DENND1B: variants seen among roughly 807,000 people sequenced by gnomAD.
DENND1B encodes DENN domain containing 1B, also known as DENN domain-containing protein 1B.
Under a neutral mutation model 90.1 loss-of-function variants are expected in DENND1B, and 59 were observed. The ratio of observed to expected loss-of-function variants is 0.65; its 90% CI spans 0.53 to 0.81. DENND1B has a LOEUF of 0.81. DENND1B is among the 40% of genes least tolerant of loss of function. The pLI, the probability that DENND1B is intolerant of heterozygous loss-of-function variation, is 0.00. For missense variants in DENND1B, 862 were observed against 912.6 expected (o/e 0.94, Z 0.71); for synonymous variants, 337 against 324.6 (o/e 1.04, Z -0.41).
Position 197,732,614 on chromosome 1 carries a change from T to G in DENND1B, c.83-17540A>C, listed in dbSNP as rs141692892. ...CAATATAAGCTGCTGCTTCCCCATA[T>G]GCATAGTTATTCTCAGGAATAAGTT... On this transcript the variant is annotated intron_variant, in intron 2 of 22. Transcript: ENST00000620048. Among the ~76,000 whole-genome samples, 104 of 152,336 alleles carry G rather than the reference T, an allele frequency of 6.8e-4. No individual in the cohort carries two copies. The East Asian group carries it at 0.02, about 29-fold the overall frequency.
rs1667789339 is a variant in DENND1B, at chr1:197,507,614, A to G, written c.*2846T>C. 6.6e-6 allele frequency: 1 copy of G among 151,620 alleles called. No homozygotes were observed. The highest frequency in any genetic ancestry group is 6.6e-5 in the Admixed American group (1 of 15,172). 9.4% of individuals were successfully genotyped at this position (151,620 alleles called of 1,614,324 possible). ...ATGTACCAAGGCCAAAAGTCTTTTTAGTTTATACAATTCTGTTGTATAACA... is the reference window on the plus strand; with the variant it reads ...ATGTACCAAGGCCAAAAGTCTTTTTGGTTTATACAATTCTGTTGTATAACA... On this transcript the variant is annotated 3_prime_UTR_variant, in exon 23 of 23. Coordinates refer to ENST00000620048, the MANE Select transcript of DENND1B (RefSeq NM_001195215.2).
chr1:197,653,195 G>A (rs1653429199), intron 6 of DENND1B, among the ~76,000 whole-genome samples: 1 of 151,988 alleles, frequency 6.6e-6, no homozygotes, highest in Non-Finnish European at 1.5e-5. Context: ...GTACTCTTCA[G>A]AATGACATAA....
intron 13 of DENND1B, among the ~76,000 whole-genome samples, chr1:197,598,186 A>G (rs983457699): frequency 6.6e-6 from 1 of 151,752 alleles, no homozygotes; most frequent in African/African-American, 2.4e-5. Context: ...ACATTATTTC[A>G]ACTTTTACAA....
At chr1:197,538,451 T>C (rs908199442) in intron 20 of DENND1B, among the ~76,000 whole-genome samples, 9 of 152,104 alleles carry the variant, frequency 5.9e-5, no homozygotes, top group African/African-American at 2.2e-4. Context: ...GAACAGACAA[T>C]CAGTACTGAC....
At chr1:197,655,903 T>G (rs1447088580) in intron 6 of DENND1B, among the ~76,000 whole-genome samples, 1 of 152,130 alleles carries the variant, frequency 6.6e-6, no homozygotes, top group African/African-American at 2.4e-5. Flanking sequence ...CACAACTGTA[T>G]AGAGTTATGT....
chr1:197,771,068 T>C (rs1019097345), intron 2 of DENND1B, among the ~76,000 whole-genome samples: 2 of 151,532 alleles, frequency 1.3e-5, no homozygotes, highest in African/African-American at 4.9e-5. Flanking sequence ...TAGGCCACCA[T>C]GCCTGCATAA....
At chr1:197,675,159 C>T (rs1655926211) in intron 3 of DENND1B, among the ~76,000 whole-genome samples, 2 of 151,942 alleles carry the variant, frequency 1.3e-5, no homozygotes, top group Admixed American at 1.3e-4. Flanking sequence ...GAAAAAAGAG[C>T]AAATATCTTA....
Position 197,704,691 on chromosome 1 carries a change from T to C in DENND1B, c.126+10340A>G, listed in dbSNP as rs554506885. Among the ~76,000 whole-genome samples, 4 of 152,222 alleles carry C rather than the reference T, an allele frequency of 2.6e-5. No individual in the cohort carries two copies. In the East Asian group the frequency reaches 7.7e-4, roughly 29 times the overall value. On this transcript the variant is annotated intron_variant, in intron 3 of 22. Coordinates refer to ENST00000620048, the MANE Select transcript of DENND1B (RefSeq NM_001195215.2). ...ACCAGTGCCTACGGGTACTAACAAC[T>C]CCATGTTATGAAAAATGGATTGATA...
At chr1:197,666,809 C>T (rs930164571) in intron 5 of DENND1B, among the ~76,000 whole-genome samples, 1 of 152,172 alleles carries the variant, frequency 6.6e-6, no homozygotes, top group South Asian at 2.1e-4. Flanking sequence ...ATAATCCTAC[C>T]TTCCTTTTCC....
intron 3 of DENND1B, 58 bp downstream of exon 3, chr1:197,714,970 ATAG>A (rs1660499811): frequency 1.1e-5 from 14 of 1,225,952 alleles, no homozygotes; most frequent in Middle Eastern, 1.9e-4. Context: ...AGCAGCAGTA[ATAG>A]TAGCAACAAT....
At chr1:197,755,744 C>T (rs945515393) in intron 2 of DENND1B, among the ~76,000 whole-genome samples, 2 of 152,134 alleles carry the variant, frequency 1.3e-5, no homozygotes, top group Non-Finnish European at 1.5e-5. Flanking sequence ...CGGTGGAAGG[C>T]AAGGTAGAGC....
chr1:197,640,107 T>C (rs1465870920), intron 10 of DENND1B, among the ~76,000 whole-genome samples: 2 of 152,192 alleles, frequency 1.3e-5, no homozygotes, highest in African/African-American at 4.8e-5. Context: ...AATTTGTTTT[T>C]AAAGCCAAAT....
chr1:197,725,199 C>A (rs1571511552), intron 2 of DENND1B, among the ~76,000 whole-genome samples: 1 of 152,018 alleles, frequency 6.6e-6, no homozygotes, highest in African/African-American at 2.4e-5. Flanking sequence ...GATATGGATA[C>A]CTTTCAAAGC....
chr1:197,732,454 T>C (rs1247998582), intron 2 of DENND1B, among the ~76,000 whole-genome samples: 2 of 152,144 alleles, frequency 1.3e-5, no homozygotes, highest in African/African-American at 2.4e-5. Flanking sequence ...TTTTCTGTCA[T>C]GGTAAAAGTG....
At chr1:197,634,684 C>T (rs533951684) in intron 10 of DENND1B, among the ~76,000 whole-genome samples, 1 of 152,110 alleles carries the variant, frequency 6.6e-6, no homozygotes, top group Non-Finnish European at 1.5e-5. Flanking sequence ...AAAGACAACA[C>T]CTACACAGAA....
rs538841852 is a variant in DENND1B at position 197,577,104 on chromosome 1, T to G, written c.1149+6048A>C. Among the ~76,000 whole-genome samples, 5 of 152,076 alleles carry G rather than the reference T, an allele frequency of 3.3e-5. No homozygotes were observed. The East Asian group carries it at 9.7e-4, about 29-fold the overall frequency. Reference sequence around the variant, plus strand: ...GGCACAGAAAAAAAGGAGTACAGACTTAGTGAGGGGGAGGGACACTCAGGG... The same window carrying G: ...GGCACAGAAAAAAAGGAGTACAGACGTAGTGAGGGGGAGGGACACTCAGGG... On this transcript the variant is annotated intron_variant, in intron 15 of 22. Coordinates refer to ENST00000620048, the MANE Select transcript of DENND1B (RefSeq NM_001195215.2).
intron 2 of DENND1B, among the ~76,000 whole-genome samples, chr1:197,756,575 CAAAAAA>C (rs57605617): frequency 5.6e-5 from 3 of 53,966 alleles, no homozygotes; most frequent in African/African-American, 2.4e-4. Context: ...GTCTCCATCT[CAAAAAA>C]AAAAAAAAAA....
upstream of DENND1B, chr1:197,775,537 C>A (rs1265437812): frequency 1.8e-5 from 3 of 165,318 alleles, no homozygotes; most frequent in Non-Finnish European, 3.9e-5. Context: ...CCAGCGGCTT[C>A]ACCTGGGCCG....
intron 10 of DENND1B, among the ~76,000 whole-genome samples, chr1:197,625,734 G>C (rs1277783298): frequency 1.3e-5 from 2 of 152,080 alleles, no homozygotes; most frequent in African/African-American, 4.8e-5. Flanking sequence ...TGGATAAAGA[G>C]TCAAGACCCA....
Sources: allele counts gnomAD v4.1 joint callset (sites outside exome capture counted in the v4.1 genomes callset), GRCh38; gene constraint gnomAD v4.1.1; transcripts MANE v1.5; gene names NCBI Gene and HGNC (gene_info 2026-07-23, HGNC 2026-07-21).